Variants in SLC22A9 observed in about 807,000 individuals in gnomAD.
SLC22A9 encodes the protein organic anion transporter 7.
Under a neutral mutation model 50.1 loss-of-function variants are expected in SLC22A9, and 64 were observed. The ratio of observed to expected loss-of-function variants is 1.28; its 90% CI spans 1.04 to 1.57. SLC22A9 has a LOEUF of 1.57. Among genes scored for constraint, SLC22A9 ranks in the 40% most tolerant of loss-of-function variants. The pLI, the probability that SLC22A9 is intolerant of heterozygous loss-of-function variation, is 0.00. For synonymous variants in SLC22A9, 261 were observed against 242.5 expected (o/e 1.08, Z -0.71); for missense variants, 757 against 676.1 (o/e 1.12, Z -1.33).
At chr11:63,385,292 A>G (rs1449311503) in intron 6 of SLC22A9, among the ~76,000 whole-genome samples, 1 of 151,776 alleles carries the variant, frequency 6.6e-6, no homozygotes, top group African/African-American at 2.4e-5. Context: ...TTTTCATTCC[A>G]TATAAATTTT....
At chr11:63,394,667 T>C (rs488374) in intron 6 of SLC22A9, among the ~76,000 whole-genome samples, 97,909 of 151,998 alleles carry the variant, frequency 0.64, 31,825 homozygotes, top group African/African-American at 0.71. Flanking sequence ...TTCTTTCCTT[T>C]GTCTTAACTT....
At chr11:63,395,602 C>T (rs1190190369) in intron 6 of SLC22A9, among the ~76,000 whole-genome samples, 1 of 152,114 alleles carries the variant, frequency 6.6e-6, no homozygotes, top group Non-Finnish European at 1.5e-5. Flanking sequence ...GATACCAGCA[C>T]CTGTTCTGGT....
At position 63,375,699 on chromosome 11, in the gene SLC22A9, C is replaced by T; in HGVS notation, c.885C>T (p.Gly295=). The change falls in exon 5 of 10, where the codon GGC becomes GGT. Residue 295 remains glycine (G), a synonymous_variant. Coordinates refer to ENST00000279178, the MANE Select transcript of SLC22A9 (RefSeq NM_080866.3). Reference sequence around the variant, plus strand: ...TTATCAACAATAAACCAGAGGAAGGCTTAAAGGAACTTAGAAAAGCTGCAC... The same window carrying T: ...TTATCAACAATAAACCAGAGGAAGGTTTAAAGGAACTTAGAAAAGCTGCAC... ...WLIINNKPEE[G]LKELRKAAHR... The T allele has an allele frequency of 6.2e-7, 1 of 1,612,572 alleles. No homozygotes were observed. Among genetic ancestry groups the T allele is most frequent in the South Asian group, 1.1e-5 (1 of 91,042 alleles).
chr11:63,393,290 G>T (rs1054305784), intron 6 of SLC22A9, among the ~76,000 whole-genome samples: 1 of 152,046 alleles, frequency 6.6e-6, no homozygotes, highest in African/African-American at 2.4e-5. Context: ...TCTTCACTTG[G>T]TCTCTGTTGG....
At chr11:63,394,196 AC>A (rs771522949) in intron 6 of SLC22A9, among the ~76,000 whole-genome samples, 31 of 151,424 alleles carry the variant, frequency 2.0e-4, no homozygotes, top group Non-Finnish European at 1.0e-4. Context: ...AATTCCTCTA[AC>A]CTTTTTTCAA....
chr11:63,389,263 TA>T (rs2014720597), intron 6 of SLC22A9, among the ~76,000 whole-genome samples: 1 of 152,008 alleles, frequency 6.6e-6, no homozygotes, highest in African/African-American at 2.4e-5. Flanking sequence ...TTGCTGCACC[TA>T]TCAACCCGTC....
chr11:63,373,190 T>C (rs2014395861), intron 2 of SLC22A9, among the ~76,000 whole-genome samples: 1 of 151,508 alleles, frequency 6.6e-6, no homozygotes, highest in African/African-American at 2.4e-5. Flanking sequence ...TATTGTTCTA[T>C]GGATGTTCCT....
intron 6 of SLC22A9, among the ~76,000 whole-genome samples, chr11:63,391,155 A>G (rs1299748147): frequency 6.6e-6 from 1 of 152,012 alleles, no homozygotes; most frequent in Non-Finnish European, 1.5e-5. Context: ...ATTGATTTCT[A>G]GTTGTATTTC....
chr11:63,382,328 T>C (rs1392315993), intron 6 of SLC22A9, 51 bp downstream of exon 6: 2 of 1,328,776 alleles, frequency 1.5e-6, no homozygotes, highest in East Asian at 2.4e-5. Flanking sequence ...GAGACATGAA[T>C]CTTGTCCTCA....
At chr11:63,394,089 A>G (rs1362939061) in intron 6 of SLC22A9, among the ~76,000 whole-genome samples, 1 of 151,996 alleles carries the variant, frequency 6.6e-6, no homozygotes, top group Non-Finnish European at 1.5e-5. Context: ...CAATTCAGCT[A>G]TTGATACTTG....
Position 63,409,946 on chromosome 11 carries a change from A to T in SLC22A9, c.*84A>T. 1 of 1,500,358 alleles carries T rather than the reference A, an allele frequency of 6.7e-7. No homozygotes were observed. The highest frequency in any genetic ancestry group is 1.4e-5 in the African/African-American group (1 of 72,182). The allele number at this position is 1,500,358 out of a possible 1,614,324, so 92.9% of individuals were successfully genotyped here. A position where few individuals can be genotyped will look rare whatever the true frequency, so the allele number is the denominator to read the frequency against. On this transcript the variant is annotated 3_prime_UTR_variant, in exon 10 of 10. Coordinates refer to ENST00000279178, the MANE Select transcript of SLC22A9 (RefSeq NM_080866.3). Reference sequence around the variant, plus strand: ...TTCCTAGACACTAGCAAAATCTAGAAAATAAATAACAAGGCTGGGTGCGGT... The same window carrying T: ...TTCCTAGACACTAGCAAAATCTAGATAATAAATAACAAGGCTGGGTGCGGT...
At chr11:63,404,172 A>G (rs2014998251) in intron 6 of SLC22A9, among the ~76,000 whole-genome samples, 1 of 152,198 alleles carries the variant, frequency 6.6e-6, no homozygotes, top group Non-Finnish European at 1.5e-5. Context: ...CAAAAAAGAA[A>G]GAAAAAGGTC....
intron 5 of SLC22A9, among the ~76,000 whole-genome samples, chr11:63,380,973 G>A (rs942636601): frequency 1.6e-4 from 25 of 152,144 alleles, no homozygotes; most frequent in Non-Finnish European, 3.1e-4. Flanking sequence ...AAAAAAGAGA[G>A]CATTGCTTAT....
rs148330554 is a variant in SLC22A9, at chr11:63,408,131, G to A, written c.1308G>A (p.Glu436=). 6.9e-5 allele frequency: 111 copies of A among 1,613,602 alleles called. No individual in the cohort carries two copies. Among genetic ancestry groups the A allele is most frequent in the Middle Eastern group, 6.6e-4 (4 of 6,054 alleles). ...FVPQEMQTLR[E]VLATLGLGAS... The stretch of plus-strand genomic sequence containing the variant: ...CTCCAGAAATGCAGACGCTGCGTGA[G>A]GTTTTGGCAACACTGGGCTTAGGAG... The change falls in exon 8 of 10, where the codon GAG becomes GAA. Residue 436 remains glutamate (E), a synonymous_variant. Coordinates refer to ENST00000279178, the MANE Select transcript of SLC22A9 (RefSeq NM_080866.3).
At chr11:63,391,274 G>A (rs1421865555) in intron 6 of SLC22A9, among the ~76,000 whole-genome samples, 4 of 152,054 alleles carry the variant, frequency 2.6e-5, no homozygotes, top group Non-Finnish European at 4.4e-5. Context: ...ATGAGCTGAG[G>A]AGAAAAGTGC....
At chr11:63,402,526 G>T (rs1315982955) in intron 6 of SLC22A9, among the ~76,000 whole-genome samples, 1 of 151,878 alleles carries the variant, frequency 6.6e-6, no homozygotes, top group African/African-American at 2.4e-5. Flanking sequence ...GCCTTGTTGT[G>T]TAGTTTGAAA....
intron 6 of SLC22A9, among the ~76,000 whole-genome samples, chr11:63,392,353 G>A (rs186486124): frequency 1.2e-4 from 19 of 152,086 alleles, no homozygotes; most frequent in Non-Finnish European, 2.5e-4. Flanking sequence ...CAATGTCATT[G>A]TCTTTCAGAT....
At chr11:63,379,241 A>G (rs575305250) in intron 5 of SLC22A9, among the ~76,000 whole-genome samples, 1 of 152,342 alleles carries the variant, frequency 6.6e-6, no homozygotes, top group South Asian at 2.1e-4. Flanking sequence ...CTGTTCATCA[A>G]TGAAGTCGAC....
chr11:63,407,311 A>G (rs898513159), intron 7 of SLC22A9, among the ~76,000 whole-genome samples: 3 of 152,184 alleles, frequency 2.0e-5, no homozygotes, highest in Non-Finnish European at 4.4e-5. Context: ...ATTCTATTTT[A>G]AGAAATTAAC....
Sources: gnomAD v4.1 joint callset for allele counts (sites outside exome capture counted in the v4.1 genomes callset) on GRCh38, gnomAD v4.1.1 for gene constraint, MANE v1.5 for transcripts, NCBI Gene and HGNC (gene_info 2026-07-23, HGNC 2026-07-21) for gene names.